CA13: variants seen among roughly 807,000 people sequenced by gnomAD.
The protein encoded by CA13 is carbonic anhydrase 13, also known as CA-XIII.
Under a neutral mutation model 31.5 loss-of-function variants are expected in CA13, and 21 were observed. The observed-to-expected ratio is 0.67, with a 90% confidence interval of 0.47 to 0.96. CA13 has a LOEUF of 0.96. Among genes scored for constraint, CA13 ranks in the 40% least tolerant of loss-of-function variants. CA13 has a pLI of 0.00. For synonymous variants in CA13, 117 were observed against 111.4 expected (o/e 1.05, Z -0.32); for missense variants, 315 against 318.9 (o/e 0.99, Z 0.09).
At chr8:85,253,580 TA>T (rs1261525638) in intron 2 of CA13, among the ~76,000 whole-genome samples, 1 of 152,162 alleles carries the variant, frequency 6.6e-6, no homozygotes, top group Non-Finnish European at 1.5e-5. Context: ...CAAAGCATTG[TA>T]AAAAATGCAT....
At chr8:85,249,475 A>G (rs1295128777) in intron 1 of CA13, among the ~76,000 whole-genome samples, 1 of 148,806 alleles carries the variant, frequency 6.7e-6, no homozygotes, top group Non-Finnish European at 1.5e-5. Flanking sequence ...AGCCTGGGTA[A>G]CAGAGCAAGA....
intron 6 of CA13, among the ~76,000 whole-genome samples, chr8:85,279,204 G>C (rs1807662368): frequency 6.6e-6 from 1 of 152,206 alleles, no homozygotes; most frequent in African/African-American, 2.4e-5. Context: ...GCTGAACTGG[G>C]AACATTTCTA....
Position 85,281,615 on chromosome 8 carries a change from T to C in CA13, c.*266T>C. On this transcript the variant is annotated 3_prime_UTR_variant, in exon 7 of 7. Coordinates refer to ENST00000321764, the MANE Select transcript of CA13 (RefSeq NM_198584.3). ...GCAGCCTCCAACTCCTGGACTCAAG[T>C]GATCCTCCCACCTCAGCCTCCAGAG... 1.7e-6 allele frequency: 1 copy of C among 587,074 alleles called. No homozygotes were observed. The highest frequency in any genetic ancestry group is 2.3e-6 in the Non-Finnish European group (1 of 429,800). The allele number at this position is 587,074 out of a possible 1,614,324, so 36.4% of individuals were successfully genotyped here.
intron 6 of CA13, among the ~76,000 whole-genome samples, chr8:85,273,503 G>A (rs1807555601): frequency 6.6e-6 from 1 of 152,222 alleles, no homozygotes. Flanking sequence ...GAAAGCTTAA[G>A]GGAATGAATA....
intron 6 of CA13, among the ~76,000 whole-genome samples, chr8:85,277,598 T>G (rs1000142024): frequency 6.6e-6 from 1 of 152,190 alleles, no homozygotes; most frequent in Admixed American, 6.5e-5. Flanking sequence ...CTGTGGACAG[T>G]AGGGCGGGTA....
chr8:85,265,702 C>T (rs1027819520), intron 3 of CA13, among the ~76,000 whole-genome samples: 7 of 152,120 alleles, frequency 4.6e-5, no homozygotes, highest in East Asian at 1.9e-4. Context: ...TTTTTATGTG[C>T]GAGATGACAA....
At chr8:85,259,335 G>A in intron 2 of CA13, 86 bp from the exon 3 acceptor site, 1 of 1,029,728 alleles carries the variant, frequency 9.7e-7, no homozygotes, top group Admixed American at 1.7e-5. Context: ...ATGGATGTAT[G>A]GAGTAATTCA....
At chr8:85,265,518 T>C (rs1807443207) in intron 3 of CA13, among the ~76,000 whole-genome samples, 1 of 152,142 alleles carries the variant, frequency 6.6e-6, no homozygotes, top group Admixed American at 6.5e-5. Context: ...TGAAGTCTGT[T>C]TTCCAGAGTT....
rs139715010 is a variant in CA13, at chr8:85,264,119, C to T, written c.355-2489C>T. Among the ~76,000 whole-genome samples, 251 of 152,252 alleles carry T rather than the reference C, an allele frequency of 1.6e-3. 1 individual carries two copies. Among genetic ancestry groups the T allele is most frequent in the African/African-American group, 5.4e-3 (225 of 41,550 alleles). ...TTTTATCCCAAAAGTTAGGCGTCTA[C>T]AAAACTAGGCTAATCGTCCATTCTG... On this transcript the variant is annotated intron_variant, in intron 3 of 6. Transcript: ENST00000321764.
Position 85,268,575 on chromosome 8 carries a change from A to G in CA13, c.617A>G (p.Glu206Gly). ...TCTCTTACAGTTCCACCTCTTCTTGAGAGTGTCACATGGATTGTTTTAAAG... is the reference window on the plus strand; with the variant it reads ...TCTCTTACAGTTCCACCTCTTCTTGGGAGTGTCACATGGATTGTTTTAAAG... ...PGSLTVPPLL[E>G]SVTWIVLKQP... Residue 206 changes from glutamate to glycine, a missense_variant, in exon 6 of 7, where the codon GAG becomes GGG. Glu to Gly is a moderately conservative substitution (Grantham distance 98). Transcript: ENST00000321764. The G allele has an allele frequency of 6.2e-7, 1 of 1,613,878 alleles. No homozygotes were observed. Among genetic ancestry groups the G allele is most frequent in the Non-Finnish European group, 8.5e-7 (1 of 1,179,896 alleles).
At chr8:85,255,634 T>G (rs1053765346) in intron 2 of CA13, among the ~76,000 whole-genome samples, 2 of 152,180 alleles carry the variant, frequency 1.3e-5, no homozygotes, top group African/African-American at 4.8e-5. Context: ...CGCCTTGGCC[T>G]CCCAAAGTGC....
chr8:85,277,169 G>A (rs377650070), intron 6 of CA13, among the ~76,000 whole-genome samples: 2 of 152,176 alleles, frequency 1.3e-5, no homozygotes, highest in African/African-American at 2.4e-5. Context: ...CTTCCACACC[G>A]TGGAAGCTCT....
Position 85,261,260 on chromosome 8 carries a change from T to G in CA13, c.354+1721T>G, listed in dbSNP as rs1807375242. ...TACAACTTACAACATTACAGATAAT[T>G]ATTTTCCCTTCTTTTGTTTCACATG... On this transcript the variant is annotated intron_variant, in intron 3 of 6. Transcript: ENST00000321764. Among the ~76,000 whole-genome samples the G allele has an allele frequency of 7.2e-5, 11 of 152,140 alleles. No homozygotes were observed. The South Asian group carries it at 2.3e-3, about 32-fold the overall frequency.
At chr8:85,277,953 A>T (rs1230784330) in intron 6 of CA13, among the ~76,000 whole-genome samples, 1 of 152,004 alleles carries the variant, frequency 6.6e-6, no homozygotes, top group Non-Finnish European at 1.5e-5. Flanking sequence ...GGGCCTGAGG[A>T]GGGAGGAAGT....
At chr8:85,255,623 C>T (rs1486029184) in intron 2 of CA13, among the ~76,000 whole-genome samples, 1 of 152,130 alleles carries the variant, frequency 6.6e-6, no homozygotes, top group Non-Finnish European at 1.5e-5. Flanking sequence ...AGTAATCCAC[C>T]CGCCTTGGCC....
intron 2 of CA13, among the ~76,000 whole-genome samples, chr8:85,257,933 A>G (rs1342837903): frequency 6.7e-6 from 1 of 148,772 alleles, no homozygotes; most frequent in Non-Finnish European, 1.5e-5. Context: ...CACCCAGCCA[A>G]AAAATATATA....
At chr8:85,252,043 T>C (rs1448682656) in intron 2 of CA13, among the ~76,000 whole-genome samples, 3 of 152,056 alleles carry the variant, frequency 2.0e-5, no homozygotes, top group Admixed American at 2.0e-4. Context: ...GGATTGCTTA[T>C]GTCTAGGAGT....
intron 6 of CA13, among the ~76,000 whole-genome samples, chr8:85,273,050 TC>T (rs1215714888): frequency 2.0e-5 from 3 of 152,200 alleles, no homozygotes; most frequent in African/African-American, 7.2e-5. Flanking sequence ...ACTCCCGACT[TC>T]AAGTGATTTG....
rs1170084529 is a variant in CA13, at chr8:85,245,834, G to A, written c.6G>A (p.Ser2=). 1.9e-6 allele frequency: 3 copies of A among 1,614,152 alleles called. No individual in the cohort carries two copies. The highest frequency in any genetic ancestry group is 2.2e-5 in the East Asian group (1 of 44,878). The change falls in exon 1 of 7, where the codon TCG becomes TCA. Residue 2 remains serine (S), a synonymous_variant. Coordinates refer to ENST00000321764, the MANE Select transcript of CA13 (RefSeq NM_198584.3). ...TCCTTCCACCCCGAGGGACCATGTC[G>A]AGGCTCAGCTGGGGATACCGCGAGC... M[S]RLSWGYREHN...
Sources: gnomAD v4.1 joint callset for allele counts (sites outside exome capture counted in the v4.1 genomes callset) on GRCh38, gnomAD v4.1.1 for gene constraint, MANE v1.5 for transcripts, NCBI Gene and HGNC (gene_info 2026-07-23, HGNC 2026-07-21) for gene names.